Variants in ZNF875 observed in about 807,000 individuals in gnomAD.
ZNF875 encodes zinc finger protein 875.
In ZNF875, 14 loss-of-function variants were observed where a neutral mutation model predicts 11.2. The observed-to-expected ratio is 1.26, with a 90% CI of 0.83 to 1.96. The LOEUF (loss-of-function observed/expected upper bound fraction) is 1.96. Ranked by LOEUF, ZNF875 falls within the 30% of genes most tolerant of loss-of-function variation. ZNF875 has a pLI of 0.00. For missense variants in ZNF875, 752 were observed against 760.4 expected, an observed-to-expected ratio of 0.99 and a Z score of 0.13; for synonymous variants, 301 against 281.1, an observed-to-expected ratio of 1.07 and a Z score of -0.71.
At chr19:37,333,841 A>G (rs1446109528), upstream of ZNF875, among the ~76,000 whole-genome samples, 1 of 152,162 alleles carries the variant, frequency 6.6e-6, no homozygotes, top group African/African-American at 2.4e-5. Context: ...TTTAAAAATA[A>G]AATCAATGCA....
chr19:37,362,968 G>T lies in ZNF875; in HGVS notation c.1116G>T (p.Gly372=). 6.2e-7 allele frequency: 1 copy of T among 1,614,166 alleles called. No individual in the cohort carries two copies. Among genetic ancestry groups the T allele is most frequent in the Non-Finnish European group, 8.5e-7 (1 of 1,180,036 alleles). ...GEKPYVCREC[G]RGFRQHSHLV... ...AGCCTTATGTTTGCAGGGAATGTGG[G>T]CGTGGCTTTCGCCAGCATTCACACC... The change falls in exon 5 of 5, where the codon GGG becomes GGT. Residue 372 remains glycine, a synonymous_variant. Coordinates refer to ENST00000392153, the MANE Select transcript of ZNF875 (RefSeq NM_001353803.2).
At chr19:37,353,152 G>C (rs774831780) in intron 4 of ZNF875, among the ~76,000 whole-genome samples, 2 of 152,138 alleles carry the variant, frequency 1.3e-5, no homozygotes, top group Non-Finnish European at 2.9e-5. Flanking sequence ...CAGATTACAG[G>C]CGTGAGCCAC....
At chr19:37,340,626 G>A (rs1399932897) in intron 2 of ZNF875, among the ~76,000 whole-genome samples, 1 of 150,788 alleles carries the variant, frequency 6.6e-6, no homozygotes, top group East Asian at 1.9e-4. Context: ...TTACCACAGG[G>A]GAGTCATCTT....
chr19:37,318,842 G>A (rs2030650008), intron 1 of ZNF875, among the ~76,000 whole-genome samples: 1 of 151,932 alleles, frequency 6.6e-6, no homozygotes, highest in South Asian at 2.1e-4. Flanking sequence ...ATTTCTTGTG[G>A]AAAATTTCTG....
intron 1 of ZNF875, among the ~76,000 whole-genome samples, chr19:37,319,995 T>C (rs1357219146): frequency 6.6e-6 from 1 of 152,192 alleles, no homozygotes; most frequent in African/African-American, 2.4e-5. Flanking sequence ...CACGCCATTC[T>C]CCTGCCTCAG....
intron 2 of ZNF875, chr19:37,344,581 CA>C: frequency 1.0e-6 from 1 of 956,958 alleles, no homozygotes; most frequent in Non-Finnish European, 1.7e-6. Context: ...TGTTGGTTAC[CA>C]TTCATTTTTC....
upstream of ZNF875, among the ~76,000 whole-genome samples, chr19:37,331,812 CCCGACACCCGTAAA>C (rs1031432034): frequency 8.1e-6 from 1 of 123,446 alleles, no homozygotes; most frequent in African/African-American, 2.6e-5. Context: ...ACACCCCCAG[CCCGACACCCGTAAA>C]GGGTCTGTGC....
At chr19:37,331,685 A>C (rs919751876), upstream of ZNF875, among the ~76,000 whole-genome samples, 3 of 148,616 alleles carry the variant, frequency 2.0e-5, no homozygotes, top group East Asian at 4.0e-4. Flanking sequence ...CAAAAACTGC[A>C]GAAGGCCGCA....
chr19:37,329,865 G>T (rs1362291389), upstream of ZNF875, among the ~76,000 whole-genome samples: 3 of 152,056 alleles, frequency 2.0e-5, no homozygotes, highest in Admixed American at 6.5e-5. Flanking sequence ...GGAGCAGTGG[G>T]TGTTGGTGCC....
intron 2 of ZNF875, among the ~76,000 whole-genome samples, chr19:37,339,553 T>TTG (rs1555799213): frequency 6.8e-6 from 1 of 147,328 alleles, no homozygotes; most frequent in Non-Finnish European, 1.5e-5. Flanking sequence ...AGTTTTTTTT[T>TTG]TTTTTTTTTT....
At chr19:37,317,338 C>T (rs1228693074), upstream of ZNF875, among the ~76,000 whole-genome samples, 1 of 152,122 alleles carries the variant, frequency 6.6e-6, no homozygotes, top group Admixed American at 6.5e-5. Context: ...AGGCGCCCGC[C>T]ACCACGCCCG....
At chr19:37,314,147 C>A (rs2030081269), upstream of ZNF875, among the ~76,000 whole-genome samples, 6 of 152,276 alleles carry the variant, frequency 3.9e-5, no homozygotes, top group South Asian at 1.2e-3. Context: ...TGGTCTCCCT[C>A]TTTCACCCAC....
intron 4 of ZNF875, among the ~76,000 whole-genome samples, chr19:37,355,783 G>C (rs2038799654): frequency 6.6e-6 from 1 of 151,988 alleles, no homozygotes; most frequent in Non-Finnish European, 1.5e-5. Flanking sequence ...CATTTCATTT[G>C]TTTATTTAAT....
chr19:37,328,194 G>A (rs985979669), intron 4 of ZNF875, among the ~76,000 whole-genome samples: 1 of 151,308 alleles, frequency 6.6e-6, no homozygotes, highest in African/African-American at 2.4e-5. Context: ...AGCCAAGATC[G>A]CACCATTGCA....
At chr19:37,321,077 C>T (rs1166143275) in intron 1 of ZNF875, among the ~76,000 whole-genome samples, 1 of 152,160 alleles carries the variant, frequency 6.6e-6, no homozygotes, top group Admixed American at 6.5e-5. Flanking sequence ...ACACAAAACA[C>T]TGTGTAAGGC....
At chr19:37,359,373 C>T (rs1008549532) in intron 4 of ZNF875, 4 of 185,098 alleles carry the variant, frequency 2.2e-5, no homozygotes, top group African/African-American at 4.8e-5. Flanking sequence ...TGTTTCTAGA[C>T]GTATAAGAAT....
chr19:37,357,334 T>G (rs1297532432), intron 4 of ZNF875, among the ~76,000 whole-genome samples: 1 of 152,220 alleles, frequency 6.6e-6, no homozygotes, highest in Non-Finnish European at 1.5e-5. Flanking sequence ...ATTTTAGAAT[T>G]GTTTTTTCTA....
chr19:37,329,626 G>T (rs2033077503), intron 4 of ZNF875, among the ~76,000 whole-genome samples: 1 of 152,194 alleles, frequency 6.6e-6, no homozygotes, highest in Admixed American at 6.5e-5. Context: ...TATCTGTGGT[G>T]TCTAGCACAT....
chr19:37,345,867 G>A (rs2036659875), intron 2 of ZNF875, among the ~76,000 whole-genome samples: 1 of 152,142 alleles, frequency 6.6e-6, no homozygotes, highest in South Asian at 2.1e-4. Context: ...AAATCTCACC[G>A]AACTTCCATG....
Sources: gnomAD v4.1 joint callset for allele counts (sites outside exome capture counted in the v4.1 genomes callset) on GRCh38, gnomAD v4.1.1 for gene constraint, MANE v1.5 for transcripts, NCBI Gene and HGNC (gene_info 2026-07-23, HGNC 2026-07-21) for gene names.